MYSM1: variants seen among roughly 807,000 people sequenced by gnomAD.
MYSM1 encodes the protein Myb like, SWIRM and MPN domains 1.
A neutral mutation model predicts 116.0 loss-of-function variants in MYSM1; 51 were observed. That is an observed-to-expected ratio of 0.44 (90% CI 0.35 to 0.56). MYSM1 has a LOEUF of 0.56. Among genes scored for constraint, MYSM1 ranks in the 20% least tolerant of loss-of-function variants. The pLI, the probability that MYSM1 is intolerant of heterozygous loss-of-function variation, is 0.00. For missense variants in MYSM1, 900 were observed against 974.9 expected (o/e 0.92, Z 1.02); for synonymous variants, 313 against 315.2 (o/e 0.99, Z 0.07).
At chr1:58,699,547 C>A in intron 1 of MYSM1, 1 of 826,648 alleles carries the variant, frequency 1.2e-6, no homozygotes, top group Non-Finnish European at 1.5e-6. Flanking sequence ...TTACAACTAT[C>A]CCCATGTGGA....
At chr1:58,667,263 T>C (rs186639026) in intron 15 of MYSM1, 37 bp from the exon 16 acceptor site, 2 of 1,365,462 alleles carry the variant, frequency 1.5e-6, no homozygotes, top group Admixed American at 5.0e-5. Context: ...TATACTAAAA[T>C]CCTGTTAATT....
intron 8 of MYSM1, among the ~76,000 whole-genome samples, chr1:58,681,104 A>C (rs1345003841): frequency 1.3e-5 from 2 of 152,238 alleles, no homozygotes; most frequent in Non-Finnish European, 2.9e-5. Flanking sequence ...TGCTGGGATT[A>C]CAGGCATGAG....
intron 17 of MYSM1, among the ~76,000 whole-genome samples, 197 bp downstream of exon 17, chr1:58,665,302 T>C (rs1644451263): frequency 6.6e-6 from 1 of 152,130 alleles, no homozygotes; most frequent in African/African-American, 2.4e-5. Context: ...GTAACAAAAG[T>C]GGGGACTTGA....
rs1644340897 is a variant in MYSM1, at chr1:58,658,015, G to A, written c.*1982C>T. Reference sequence around the variant, plus strand: ...GTATTTGTTCCCCAATATATCATGAGGAAACAGGTCAAAAGGAAGATGAGT... The same window carrying A: ...GTATTTGTTCCCCAATATATCATGAAGAAACAGGTCAAAAGGAAGATGAGT... On this transcript the variant is annotated 3_prime_UTR_variant, in exon 20 of 20. Transcript: ENST00000472487. 1 of 152,120 alleles carries A rather than the reference G, an allele frequency of 6.6e-6. No homozygotes were observed. The highest frequency in any genetic ancestry group is 1.5e-5 in the Non-Finnish European group (1 of 68,018). The allele number at this position is 152,120 out of a possible 1,614,324, so 9.4% of individuals were successfully genotyped here. A position where few individuals can be genotyped will look rare whatever the true frequency, so the allele number is the denominator to read the frequency against.
intron 11 of MYSM1, among the ~76,000 whole-genome samples, chr1:58,672,175 CTTCT>C (rs911335435): frequency 2.0e-5 from 3 of 152,156 alleles, no homozygotes; most frequent in Non-Finnish European, 4.4e-5. Flanking sequence ...AAATTTACTC[CTTCT>C]CTTGATTTGC....
rs186401217 is a variant in MYSM1, at chr1:58,695,099, A to G, written c.147+30T>C. On this transcript the variant is annotated intron_variant, in intron 2 of 19. Transcript: ENST00000472487. ...ACTCTAGGCAATAAATAACAGCTTAATGCACCTGATATTTTTATAAAATAC... is the reference window on the plus strand; with the variant it reads ...ACTCTAGGCAATAAATAACAGCTTAGTGCACCTGATATTTTTATAAAATAC... 31 of 1,398,716 alleles carry G rather than the reference A, an allele frequency of 2.2e-5. No individual in the cohort carries two copies. In the East Asian group the frequency reaches 6.2e-4, roughly 28 times the overall value. The allele number at this position is 1,398,716 out of a possible 1,614,324, so 86.6% of individuals were successfully genotyped here. A position where few individuals can be genotyped will look rare whatever the true frequency, so the allele number is the denominator to read the frequency against.
intron 8 of MYSM1, among the ~76,000 whole-genome samples, chr1:58,677,981 T>C (rs530771552): frequency 6.6e-6 from 1 of 152,286 alleles, no homozygotes; most frequent in East Asian, 1.9e-4. Context: ...ATTATTTTAT[T>C]CCATGAATAT....
rs758539783 is a variant in MYSM1 at position 58,681,874 on chromosome 1, T to C, written c.1170A>G (p.Glu390=). The C allele has an allele frequency of 2.5e-6, 4 of 1,613,720 alleles. No individual in the cohort carries two copies. The highest frequency in any genetic ancestry group is 3.4e-6 in the Non-Finnish European group (4 of 1,179,930). The stretch of plus-strand genomic sequence containing the variant: ...CAAAAAACTCAGGAATTGCTTGTTT[T>C]TCTTCTTCTTGAATGATATTTCTAT... The part of the protein sequence containing the change: ...EIDRNIIQEE[E]KQAIPEFFEG... Residue 390 remains glutamate (E), a synonymous_variant, in exon 8 of 20, where the codon GAA becomes GAG. Transcript: ENST00000472487.
chr1:58,661,773 G>A (rs1274679927), intron 17 of MYSM1, among the ~76,000 whole-genome samples: 1 of 152,072 alleles, frequency 6.6e-6, no homozygotes, highest in Non-Finnish European at 1.5e-5. Flanking sequence ...ATGGCACTAT[G>A]ATGGGATGAT....
intron 7 of MYSM1, among the ~76,000 whole-genome samples, chr1:58,684,273 A>T (rs1323506947): frequency 2.6e-5 from 4 of 152,152 alleles, no homozygotes; most frequent in Non-Finnish European, 5.9e-5. Context: ...AGGATATATT[A>T]AAAAATTCTA....
At chr1:58,669,109 A>T (rs1041206207) in intron 12 of MYSM1, 71 bp from the exon 13 acceptor site, 1 of 1,159,814 alleles carries the variant, frequency 8.6e-7, no homozygotes, top group South Asian at 1.4e-5. Context: ...TGTAAATCTG[A>T]AAGTGTATAT....
intron 1 of MYSM1, among the ~76,000 whole-genome samples, chr1:58,697,349 TAAG>T (rs150817636): frequency 0.12 from 18,296 of 152,074 alleles, 1,080 homozygotes; most frequent in Middle Eastern, 0.2. Flanking sequence ...ATCTGTCACT[TAAG>T]AGAGAGATCT....
At chr1:58,667,781 A>C (rs1644496438) in intron 15 of MYSM1, 66 bp downstream of exon 15, 14 of 930,652 alleles carry the variant, frequency 1.5e-5, no homozygotes, top group Non-Finnish European at 2.5e-5. Context: ...ACTGAATTCT[A>C]TAAAAATATT....
Position 58,675,560 on chromosome 1 carries a change from GC to G in MYSM1, c.1410del (p.Arg470SerfsTer17), listed in dbSNP as rs536775508. 1.5e-5 allele frequency: 24 copies of G among 1,613,156 alleles called. No homozygotes were observed. Among genetic ancestry groups the G allele is most frequent in the Non-Finnish European group, 2.0e-5 (24 of 1,179,650 alleles). The stretch of plus-strand genomic sequence containing the variant: ...ATTCGTACTTTGTCAACTGTTTGTG[GC>G]CTATTATACACAGCCTGTTCTATTG... ...NFGCEQAVYN[R>X]PQTVDKVRIR... is the part of the protein sequence containing the mutation. On this transcript the variant is annotated frameshift_variant, in exon 10 of 20. Coordinates refer to ENST00000472487, the MANE Select transcript of MYSM1 (RefSeq NM_001085487.3). LOFTEE classifies it high-confidence loss of function.
At chr1:58,697,156 TAGA>T (rs1644987252) in intron 1 of MYSM1, among the ~76,000 whole-genome samples, 1 of 151,668 alleles carries the variant, frequency 6.6e-6, no homozygotes, top group South Asian at 2.1e-4. Context: ...GGTAGAGGAG[TAGA>T]AGGAGGGAGG....
intron 7 of MYSM1, 24 bp downstream of exon 7, chr1:58,685,119 TCATTATTAAC>T: frequency 6.7e-7 from 1 of 1,485,206 alleles, no homozygotes; most frequent in Non-Finnish European, 9.1e-7. Context: ...CTAAATATTA[TCATTATTAAC>T]CAGGATACTG....
rs1302150447 is a variant in MYSM1, at chr1:58,692,986, TTC to T, written c.148-57_148-56del. The T allele has an allele frequency of 2.6e-5, 36 of 1,409,972 alleles. No individual in the cohort carries two copies. The African/African-American group carries it at 4.6e-4, about 18-fold the overall frequency. 87.3% of individuals were successfully genotyped at this position (1,409,972 alleles called of 1,614,324 possible). A position where few individuals can be genotyped will look rare whatever the true frequency, so the allele number is the denominator to read the frequency against. On this transcript the variant is annotated intron_variant, in intron 2 of 19. Transcript: ENST00000472487. ...TTATTTATTGCTTTTTGAAATTATCTTCTGTTTTGGTAAAGAAAAATACATGT... is the reference window on the plus strand; with the variant it reads ...TTATTTATTGCTTTTTGAAATTATCTTGTTTTGGTAAAGAAAAATACATGT...
At chr1:58,665,451 A>T in intron 17 of MYSM1, 48 bp downstream of exon 17, 1 of 1,404,060 alleles carries the variant, frequency 7.1e-7, no homozygotes, top group Non-Finnish European at 9.8e-7. Flanking sequence ...TATGAGTCAA[A>T]GAAATAAGAG....
intron 6 of MYSM1, among the ~76,000 whole-genome samples, chr1:58,687,334 C>A (rs1048927651): frequency 6.6e-6 from 1 of 152,098 alleles, no homozygotes; most frequent in African/African-American, 2.4e-5. Flanking sequence ...ACACTGGTTA[C>A]CCCGGGCGAA....
Sources: gnomAD v4.1 joint callset for allele counts (sites outside exome capture counted in the v4.1 genomes callset) on GRCh38, gnomAD v4.1.1 for gene constraint, MANE v1.5 for transcripts, NCBI Gene and HGNC (gene_info 2026-07-23, HGNC 2026-07-21) for gene names.